INTS9: variants seen among roughly 807,000 people sequenced by gnomAD.
INTS9 encodes the protein integrator complex subunit 9, also known as protein related to CPSF subunits of 74 kDa.
A neutral mutation model predicts 79.7 loss-of-function variants in INTS9; 55 were observed. The observed-to-expected ratio is 0.69, with a 90% CI of 0.56 to 0.86. The LOEUF is 0.86. Among genes scored for constraint, INTS9 ranks in the 40% least tolerant of loss-of-function variants. The pLI, the probability that INTS9 is intolerant of heterozygous loss-of-function variation, is 0.00. For missense variants in INTS9, 721 were observed against 831.5 expected (o/e 0.87, Z 1.64); for synonymous variants, 319 against 325.2 (o/e 0.98, Z 0.20).
chr8:28,887,217 T>C (rs1301141613), intron 1 of INTS9, among the ~76,000 whole-genome samples: 3 of 152,196 alleles, frequency 2.0e-5, no homozygotes, highest in East Asian at 3.8e-4. Flanking sequence ...ATGGAACATA[T>C]TCAACCAAGT....
chr8:28,880,250 CT>C, intron 1 of INTS9, among the ~76,000 whole-genome samples: 1 of 141,864 alleles, frequency 7.0e-6, no homozygotes, highest in Non-Finnish European at 1.5e-5. Flanking sequence ...CTCCCTCTCC[CT>C]CTCCCTCTCC....
intron 1 of INTS9, among the ~76,000 whole-genome samples, chr8:28,867,840 G>A (rs1808849249): frequency 6.6e-6 from 1 of 151,818 alleles, no homozygotes; most frequent in African/African-American, 2.4e-5. Context: ...TTAGGTATCG[G>A]GTACTCTGTA....
chr8:28,835,443 A>T, intron 5 of INTS9, 65 bp from the exon 6 acceptor site: 1 of 1,183,390 alleles, frequency 8.5e-7, no homozygotes, highest in Non-Finnish European at 1.2e-6. Context: ...CCATACTCTA[A>T]CAGTTGGCCA....
At chr8:28,806,133 G>T (rs1804796253) in intron 8 of INTS9, among the ~76,000 whole-genome samples, 1 of 152,220 alleles carries the variant, frequency 6.6e-6, no homozygotes, top group South Asian at 2.1e-4. Flanking sequence ...GGGAGGCTGA[G>T]GTGGGAGGAC....
chr8:28,859,636 A>G (rs755313366), intron 1 of INTS9, 73 bp from the exon 2 acceptor site: 1 of 1,500,400 alleles, frequency 6.7e-7, no homozygotes, highest in South Asian at 1.1e-5. Flanking sequence ...GAATTAAATA[A>G]CTCTGACGAT....
intron 8 of INTS9, among the ~76,000 whole-genome samples, chr8:28,800,116 C>T (rs1317907846): frequency 6.6e-6 from 1 of 152,208 alleles, no homozygotes; most frequent in African/African-American, 2.4e-5. Context: ...CCACAGGACT[C>T]TGAAGCTCCG....
intron 1 of INTS9, among the ~76,000 whole-genome samples, chr8:28,880,834 C>G (rs1424311121): frequency 1.3e-5 from 2 of 149,574 alleles, no homozygotes; most frequent in Non-Finnish European, 3.0e-5. Flanking sequence ...CCGCCGCCAT[C>G]CCATCTAGGA....
chr8:28,838,132 C>T (rs985925638), intron 4 of INTS9, among the ~76,000 whole-genome samples: 4 of 151,890 alleles, frequency 2.6e-5, no homozygotes, highest in African/African-American at 7.3e-5. Context: ...AGCATACAGG[C>T]GGCAAGCACA....
chr8:28,809,912 C>T (rs1805012132), intron 8 of INTS9, among the ~76,000 whole-genome samples: 1 of 152,174 alleles, frequency 6.6e-6, no homozygotes, highest in Admixed American at 6.5e-5. Context: ...GCAGCTCAGA[C>T]ATCCTATTGT....
chr8:28,779,381 C>A (rs1180118595), intron 12 of INTS9, among the ~76,000 whole-genome samples: 2 of 152,202 alleles, frequency 1.3e-5, no homozygotes, highest in Non-Finnish European at 2.9e-5. Flanking sequence ...CTGGCACCCA[C>A]AGCAAAGCCA....
chr8:28,847,221 G>A (rs140038895), intron 3 of INTS9, among the ~76,000 whole-genome samples: 1 of 152,292 alleles, frequency 6.6e-6, no homozygotes, highest in Non-Finnish European at 1.5e-5. Flanking sequence ...CTGGGGATGA[G>A]GCCATGGAAT....
At chr8:28,813,792 C>CAAAAAA in intron 6 of INTS9, 180 bp from the exon 7 acceptor site, 4 of 611,002 alleles carry the variant, frequency 6.5e-6, no homozygotes, top group African/African-American at 1.9e-5. Flanking sequence ...GACAGAGTCT[C>CAAAAAA]ACTGTGTCAC....
At chr8:28,852,285 T>G (rs1410475582) in intron 2 of INTS9, among the ~76,000 whole-genome samples, 1 of 114,260 alleles carries the variant, frequency 8.8e-6, no homozygotes, top group Non-Finnish European at 1.9e-5. Context: ...AAATCACACC[T>G]GATAAACTCT....
At chr8:28,819,322 G>A (rs1273266941) in intron 6 of INTS9, among the ~76,000 whole-genome samples, 4 of 152,112 alleles carry the variant, frequency 2.6e-5, no homozygotes, top group Non-Finnish European at 5.9e-5. Context: ...ACACTGCTTT[G>A]AATGTGTCCC....
At chr8:28,814,327 CACA>C (rs1805344973) in intron 6 of INTS9, among the ~76,000 whole-genome samples, 1 of 151,062 alleles carries the variant, frequency 6.6e-6, no homozygotes, top group Non-Finnish European at 1.5e-5. Flanking sequence ...CACACACACA[CACA>C]CACACTCTCA....
At chr8:28,805,701 G>A (rs953131931) in intron 8 of INTS9, among the ~76,000 whole-genome samples, 2 of 151,954 alleles carry the variant, frequency 1.3e-5, no homozygotes, top group Admixed American at 6.6e-5. Context: ...TGGGAGGAAA[G>A]ATACAGATAC....
At chr8:28,770,112 C>A in intron 15 of INTS9, 86 bp from the exon 16 acceptor site, 1 of 1,502,392 alleles carries the variant, frequency 6.7e-7, no homozygotes, top group Non-Finnish European at 8.9e-7. Context: ...CTGAGACTAT[C>A]CTGTCCTCAC....
intron 14 of INTS9, among the ~76,000 whole-genome samples, chr8:28,772,242 T>C (rs867662850): frequency 3.9e-5 from 6 of 152,022 alleles, no homozygotes; most frequent in Admixed American, 1.3e-4. Context: ...ACGTACAGTT[T>C]GGCTGGGTGC....
chr8:28,828,939 C>T (rs1250352930), intron 6 of INTS9, among the ~76,000 whole-genome samples: 1 of 152,080 alleles, frequency 6.6e-6, no homozygotes. Flanking sequence ...AGCCTTGGCC[C>T]CCCAAAGTGC....
Sources: gnomAD v4.1 joint callset for allele counts (sites outside exome capture counted in the v4.1 genomes callset) on GRCh38, gnomAD v4.1.1 for gene constraint, MANE v1.5 for transcripts, NCBI Gene and HGNC (gene_info 2026-07-23, HGNC 2026-07-21) for gene names.